PEAK1: variants seen among roughly 807,000 people sequenced by gnomAD.
The protein encoded by PEAK1 is pseudopodium enriched atypical kinase 1, also known as inactive tyrosine-protein kinase PEAK1.
A neutral mutation model predicts 124.7 loss-of-function variants in PEAK1; 54 were observed. The ratio of observed to expected loss-of-function variants is 0.43; its 90% CI spans 0.35 to 0.54. The LOEUF is 0.54. Among genes scored for constraint, PEAK1 ranks in the 20% least tolerant of loss-of-function variants. PEAK1 has a pLI of 0.01. For synonymous variants in PEAK1, 719 were observed against 760.0 expected (o/e 0.95, Z 0.89); for missense variants, 2,046 against 2,134.5 (o/e 0.96, Z 0.82).
At chr15:77,140,084 A>G (rs1453831555) in intron 8 of PEAK1, among the ~76,000 whole-genome samples, 1 of 152,162 alleles carries the variant, frequency 6.6e-6, no homozygotes, top group African/African-American at 2.4e-5. Flanking sequence ...ATAAGGAAAG[A>G]AATTGAATTA....
At chr15:77,239,568 A>G (rs1170632073) in intron 6 of PEAK1, among the ~76,000 whole-genome samples, 4 of 152,230 alleles carry the variant, frequency 2.6e-5, no homozygotes, top group Non-Finnish European at 5.9e-5. Context: ...TATGCTTATT[A>G]AATGTTAGCT....
chr15:77,268,384 G>C (rs901518956), intron 5 of PEAK1, among the ~76,000 whole-genome samples: 4 of 151,646 alleles, frequency 2.6e-5, no homozygotes, highest in African/African-American at 7.3e-5. Context: ...TGAGGTAGGA[G>C]AATCACTTGA....
chr15:77,375,116 T>C (rs903094989), intron 1 of PEAK1, among the ~76,000 whole-genome samples: 25 of 152,206 alleles, frequency 1.6e-4, no homozygotes, highest in Non-Finnish European at 2.9e-5. Context: ...GCAGAAAATA[T>C]ATACAAAGAA....
At chr15:77,362,266 T>A (rs560306855) in intron 2 of PEAK1, among the ~76,000 whole-genome samples, 125 of 152,112 alleles carry the variant, frequency 8.2e-4, no homozygotes, top group Non-Finnish European at 1.2e-3. Flanking sequence ...GATATGTTAA[T>A]AACCCTATCT....
At chr15:77,415,559 C>T (rs1241144697) in intron 1 of PEAK1, among the ~76,000 whole-genome samples, 1 of 152,140 alleles carries the variant, frequency 6.6e-6, no homozygotes, top group African/African-American at 2.4e-5. Flanking sequence ...CAGCACTTGG[C>T]CTCACATACA....
intron 2 of PEAK1, among the ~76,000 whole-genome samples, chr15:77,310,843 T>C (rs1370296042): frequency 6.6e-6 from 1 of 152,116 alleles, no homozygotes; most frequent in African/African-American, 2.4e-5. Flanking sequence ...GAATACCACA[T>C]GCAAAGGTTC....
At chr15:77,403,109 G>A in intron 1 of PEAK1, 1 of 985,254 alleles carries the variant, frequency 1.0e-6, no homozygotes, top group Non-Finnish European at 1.2e-6. Context: ...TTTCTAAATT[G>A]GAGCCTTTTC....
At chr15:77,381,439 T>C (rs2069473475) in intron 1 of PEAK1, 1 of 947,676 alleles carries the variant, frequency 1.1e-6, no homozygotes, top group Non-Finnish European at 1.3e-6. Context: ...AAAAAAATAA[T>C]TTTTTCTTTA....
chr15:77,201,896 A>C (rs1405581549), intron 6 of PEAK1, among the ~76,000 whole-genome samples: 1 of 152,194 alleles, frequency 6.6e-6, no homozygotes, highest in African/African-American at 2.4e-5. Flanking sequence ...TAAAGACAGA[A>C]GCAGAAGCAG....
At chr15:77,348,051 G>T in intron 2 of PEAK1, 1 of 985,142 alleles carries the variant, frequency 1.0e-6, no homozygotes, top group Non-Finnish European at 1.2e-6. Context: ...TCAAATATAT[G>T]CACTTTTCTA....
chr15:77,139,642 T>C (rs1308674385), intron 8 of PEAK1, among the ~76,000 whole-genome samples: 1 of 152,158 alleles, frequency 6.6e-6, no homozygotes, highest in Non-Finnish European at 1.5e-5. Flanking sequence ...CTATATCCAT[T>C]TCCCATGCAC....
intron 6 of PEAK1, among the ~76,000 whole-genome samples, chr15:77,210,418 A>G (rs563026229): frequency 6.6e-6 from 1 of 152,332 alleles, no homozygotes; most frequent in South Asian, 2.1e-4. Context: ...TCCAGTAAAA[A>G]GTCCATTTTA....
chr15:77,109,753 T>A lies in PEAK1; in HGVS notation c.*4403A>T, dbSNP rs2152704097. On this transcript the variant is annotated 3_prime_UTR_variant, in exon 10 of 10. Coordinates refer to ENST00000682557, the MANE Select transcript of PEAK1 (RefSeq NM_001385026.1). The stretch of plus-strand genomic sequence containing the variant: ...CAGCCATCCTGTTCACTCATTAGGC[T>A]GGAGCGGAATTTTCAATCCTTGTCA... 1 of 152,352 alleles carries A rather than the reference T, an allele frequency of 6.6e-6. No individual in the cohort carries two copies. The highest frequency in any genetic ancestry group is 1.5e-5 in the Non-Finnish European group (1 of 68,036). The allele number at this position is 152,352 out of a possible 1,614,324, so 9.4% of individuals were successfully genotyped here.
intron 2 of PEAK1, chr15:77,349,959 AT>A (rs2067106747): frequency 1.0e-6 from 1 of 984,904 alleles, no homozygotes; most frequent in African/African-American, 1.7e-5. Flanking sequence ...CATATTCCAA[AT>A]TCTTCCTTTA....
chr15:77,391,081 T>TA (rs1276788121), intron 1 of PEAK1, among the ~76,000 whole-genome samples: 1 of 152,158 alleles, frequency 6.6e-6, no homozygotes, highest in Non-Finnish European at 1.5e-5. Context: ...AGACTCTATT[T>TA]ATGACTCTCC....
chr15:77,119,576 G>A (rs545570930), intron 9 of PEAK1, among the ~76,000 whole-genome samples: 7 of 152,046 alleles, frequency 4.6e-5, no homozygotes, highest in Non-Finnish European at 7.4e-5. Flanking sequence ...GGGGGAGAGG[G>A]GAAACAACAT....
chr15:77,163,297 A>T (rs2055821996), intron 7 of PEAK1, among the ~76,000 whole-genome samples: 1 of 152,252 alleles, frequency 6.6e-6, no homozygotes, highest in Non-Finnish European at 1.5e-5. Flanking sequence ...CCACAAAGAC[A>T]AATCATTTTC....
intron 6 of PEAK1, among the ~76,000 whole-genome samples, chr15:77,207,991 T>C (rs1381456939): frequency 1.3e-5 from 2 of 152,168 alleles, no homozygotes; most frequent in Admixed American, 6.5e-5. Context: ...TCCATGCTAC[T>C]CTGAAATAAG....
intron 1 of PEAK1, chr15:77,404,125 AACACTTG>A: frequency 1.0e-6 from 1 of 985,118 alleles, no homozygotes; most frequent in Non-Finnish European, 1.2e-6. Flanking sequence ...CTACAAATTT[AACACTTG>A]TGTGACATGA....
Sources: allele counts gnomAD v4.1 joint callset (sites outside exome capture counted in the v4.1 genomes callset), GRCh38; gene constraint gnomAD v4.1.1; transcripts MANE v1.5; gene names NCBI Gene and HGNC (gene_info 2026-07-23, HGNC 2026-07-21).